The following NIN variants were observed in gnomAD, a reference collection of about 807,000 sequenced individuals.
The protein encoded by NIN is ninein, also known as glycogen synthase kinase 3 beta-interacting protein.
In NIN, 137 loss-of-function variants were observed where a neutral mutation model predicts 257.6. The observed-to-expected ratio is 0.53, with a 90% CI of 0.46 to 0.61. The LOEUF is 0.61. NIN is among the 20% of genes least tolerant of loss of function. NIN has a pLI of 0.00. For synonymous variants in NIN, 918 were observed against 919.8 expected (o/e 1.00, Z 0.04); for missense variants, 2,439 against 2,501.2 (o/e 0.98, Z 0.53).
intron 21 of NIN, among the ~76,000 whole-genome samples, chr14:50,748,863 A>G (rs1365632742): frequency 6.6e-6 from 1 of 152,208 alleles, no homozygotes; most frequent in African/African-American, 2.4e-5. Context: ...AAGAATCAAT[A>G]TCGTGAAAAT....
chr14:50,728,415 A>G (rs1402987209), intron 29 of NIN, among the ~76,000 whole-genome samples: 1 of 152,232 alleles, frequency 6.6e-6, no homozygotes, highest in East Asian at 1.9e-4. Context: ...GCATAGGTAC[A>G]TATGTAGAGG....
At chr14:50,768,206 T>C (rs1356262066) in intron 12 of NIN, among the ~76,000 whole-genome samples, 1 of 152,046 alleles carries the variant, frequency 6.6e-6, no homozygotes, top group African/African-American at 2.4e-5. Context: ...ATATTTTTAG[T>C]ATATTCTAGT....
At position 50,763,866 on chromosome 14, in the gene NIN, T is replaced by G. The variant is rs748064021; in HGVS notation, c.1734A>C (p.Glu578Asp). The G allele has an allele frequency of 6.2e-7, 1 of 1,613,968 alleles. No individual in the cohort carries two copies. The highest frequency in any genetic ancestry group is 2.2e-5 in the East Asian group (1 of 44,884). Residue 578 changes from glutamate (E) to aspartate (D), a missense_variant, in exon 15 of 31, where the codon GAA (glutamate) becomes GAC (aspartate). Glu to Asp is a conservative substitution (Grantham distance 45, BLOSUM62 2). Transcript: ENST00000530997. ...TGCCACCGCTGTTAGCCTCAACTTCTTCTGACGGTGAGTTCTTCAACGGAA... is the reference window on the plus strand; with the variant it reads ...TGCCACCGCTGTTAGCCTCAACTTCGTCTGACGGTGAGTTCTTCAACGGAA... ...LRLPLKNSPSEEVEANSGGIE... is the reference protein window; with the variant it reads ...LRLPLKNSPSDEVEANSGGIE...
At chr14:50,741,408 G>A (rs1296206718) in intron 25 of NIN, among the ~76,000 whole-genome samples, 174 bp downstream of exon 25, 1 of 152,210 alleles carries the variant, frequency 6.6e-6, no homozygotes, top group African/African-American at 2.4e-5. Flanking sequence ...AGAGCCTGCT[G>A]AGTGCTGGAA....
chr14:50,729,689 G>C lies in NIN; in HGVS notation c.5912C>G (p.Pro1971Arg). The part of the protein sequence containing the change: ...QHLRSTATPS[P>R]SPHAWDLQLL... The stretch of plus-strand genomic sequence containing the variant: ...CTGCAAATCCCAAGCATGAGGGGAC[G>C]GGCTAGGCGTCGCAGTGGACCTCAG... The change falls in exon 29 of 31, where the codon CCG becomes CGG. Residue 1971 changes from proline to arginine, a missense_variant. Transcript: ENST00000530997. 1.2e-6 allele frequency: 2 copies of C among 1,612,056 alleles called. No homozygotes were observed. The highest frequency in any genetic ancestry group is 2.7e-5 in the African/African-American group (2 of 75,016).
chr14:50,789,070 A>T (rs1243171520), intron 5 of NIN, among the ~76,000 whole-genome samples: 1 of 152,200 alleles, frequency 6.6e-6, no homozygotes, highest in Non-Finnish European at 1.5e-5. Context: ...AATCAAAACA[A>T]AGAAGACCTG....
Position 50,806,820 on chromosome 14 carries a change from T to TA in NIN, c.184-3dup, listed in dbSNP as rs150006561. The TA allele has an allele frequency of 4.8e-4, 644 of 1,350,980 alleles. 3 individuals carry two copies. In the African/African-American group the frequency reaches 7.0e-3, roughly 15 times the overall value. The allele number at this position is 1,350,980 out of a possible 1,614,324, so 83.7% of individuals were successfully genotyped here. A position where few individuals can be genotyped will look rare whatever the true frequency, so the allele number is the denominator to read the frequency against. On this transcript the variant is annotated splice_polypyrimidine_tract_variant and splice_region_variant and intron_variant, in intron 3 of 30. Coordinates refer to ENST00000530997, the MANE Select transcript of NIN (RefSeq NM_020921.4). ...TTCTTTAAATTGGTCAAAATGTACCTAAAAAAAATTAAAAATAGATTTAAA... is the reference window on the plus strand; with the variant it reads ...TTCTTTAAATTGGTCAAAATGTACCTAAAAAAAAATTAAAAATAGATTTAAA...
chr14:50,752,548 C>T lies in NIN; in HGVS notation c.4920G>A (p.Leu1640=), dbSNP rs751903409. Residue 1640 remains leucine, a synonymous_variant, in exon 21 of 31, where the codon CTG becomes CTA. Transcript: ENST00000530997. ...LEEREQEKFN[L]KEELERCKVQ... ...CTTTACAACGTTCCAGTTCTTCTTT[C>T]AGATTAAACTTCTCTTGTTCCCGTT... The T allele has an allele frequency of 1.1e-5, 17 of 1,614,054 alleles. No homozygotes were observed. The South Asian group carries it at 1.9e-4, about 18-fold the overall frequency.
intron 2 of NIN, chr14:50,823,543 C>T: frequency 4.4e-6 from 1 of 226,684 alleles, no homozygotes; most frequent in Non-Finnish European, 9.1e-6. Flanking sequence ...TGCTTTCTTT[C>T]CATAGACAGC....
At chr14:50,770,805 T>C (rs775318955) in intron 11 of NIN, 47 bp downstream of exon 11, 7 of 1,584,764 alleles carry the variant, frequency 4.4e-6, no homozygotes, top group South Asian at 1.2e-5. Context: ...GCCACTGCCC[T>C]GGGCCAGGGT....
chr14:50,798,170 C>G (rs2043927460), intron 4 of NIN, among the ~76,000 whole-genome samples: 1 of 152,194 alleles, frequency 6.6e-6, no homozygotes, highest in Non-Finnish European at 1.5e-5. Flanking sequence ...TAAGCCCTTT[C>G]CAATTAGCAC....
intron 5 of NIN, 114 bp downstream of exon 5, chr14:50,792,598 C>A: frequency 9.2e-7 from 1 of 1,088,494 alleles, no homozygotes; most frequent in Non-Finnish European, 1.4e-6. Context: ...GAGTTGGTAA[C>A]TGAGAAAAGC....
intron 5 of NIN, among the ~76,000 whole-genome samples, chr14:50,780,695 T>G (rs914799281): frequency 2.0e-5 from 3 of 152,180 alleles, no homozygotes; most frequent in African/African-American, 7.2e-5. Flanking sequence ...CATACCAAGC[T>G]GACAATGCTG....
chr14:50,819,341 C>G (rs960981271), intron 3 of NIN, among the ~76,000 whole-genome samples: 1 of 152,158 alleles, frequency 6.6e-6, no homozygotes, highest in Admixed American at 6.5e-5. Context: ...CCCATAATTC[C>G]CATGTGTTGT....
intron 15 of NIN, among the ~76,000 whole-genome samples, chr14:50,762,513 A>G (rs2042313248): frequency 6.6e-6 from 1 of 152,206 alleles, no homozygotes; most frequent in Non-Finnish European, 1.5e-5. Flanking sequence ...TTTAGCTATT[A>G]TCAGCATAAT....
At chr14:50,774,294 T>C (rs1319862042) in intron 7 of NIN, among the ~76,000 whole-genome samples, 2 of 152,248 alleles carry the variant, frequency 1.3e-5, no homozygotes, top group African/African-American at 4.8e-5. Context: ...CTAGGATTTA[T>C]ACGATCTCAC....
chr14:50,776,039 T>A (rs532134707), intron 7 of NIN, among the ~76,000 whole-genome samples: 5 of 152,226 alleles, frequency 3.3e-5, no homozygotes, highest in African/African-American at 1.2e-4. Flanking sequence ...AAACAAATAT[T>A]TCTATTATCT....
In NIN at chr14:50,758,589, A is replaced by C. The variant is rs1199750422; in HGVS notation, c.2441T>G (p.Ile814Arg). 6.3e-7 allele frequency: 1 copy of C among 1,598,238 alleles called. No homozygotes were observed. The highest frequency in any genetic ancestry group is 1.4e-5 in the African/African-American group (1 of 73,696). ...ETECNRRTSQ[I>R]EAQFQSDCQK... ...ACAATCAGACTGAAACTGGGCTTCT[A>C]TTTGAGAGGTTCTTCTATTACACTC... Residue 814 changes from isoleucine to arginine, a missense_variant, in exon 18 of 31, where the codon ATA (isoleucine) becomes AGA (arginine). By Grantham distance (97) the Ile-to-Arg change is moderately conservative. Around this residue, in one of 3 missense-constraint regions of NIN, gnomAD observed 2,043 missense variants for 2,050.2 expected, o/e 1.00. Transcript: ENST00000530997.
At chr14:50,727,791 C>T (rs780756746) in intron 29 of NIN, 3 of 1,413,342 alleles carry the variant, frequency 2.1e-6, no homozygotes, top group South Asian at 1.1e-5. Flanking sequence ...ACCCTCATGT[C>T]AGGATGAGTT....
Sources: allele counts gnomAD v4.1 joint callset (sites outside exome capture counted in the v4.1 genomes callset), GRCh38; gene constraint gnomAD v4.1.1; regional missense constraint gnomAD v4.1.1; transcripts MANE v1.5; gene names NCBI Gene and HGNC (gene_info 2026-07-23, HGNC 2026-07-21).